RBFOX1: variants seen among roughly 807,000 people sequenced by gnomAD.
RBFOX1 encodes RNA binding fox-1 homolog 1.
Under a neutral mutation model 57.7 loss-of-function variants are expected in RBFOX1, and 8 were observed. That is an observed-to-expected ratio of 0.14 (90% confidence interval 0.08 to 0.25). The LOEUF is 0.25. Ranked by LOEUF, RBFOX1 falls within the 10% of genes least tolerant of loss-of-function variation. The probability of loss-of-function intolerance (pLI) is 1.00; values close to 1 mark genes in which losing one functional copy is unlikely to be tolerated. For synonymous variants in RBFOX1, 326 were observed against 222.4 expected (o/e 1.47, Z -4.15); for missense variants, 611 against 548.5 (o/e 1.11, Z -1.14).
rs559693028 is a variant in RBFOX1, at chr16:5,939,085, C to T, written c.351+71750C>T. Among the ~76,000 whole-genome samples the T allele has an allele frequency of 1.8e-4, 27 of 149,790 alleles. No individual in the cohort carries two copies. The Middle Eastern group carries it at 0.01, about 57-fold the overall frequency. Reference sequence around the variant, plus strand: ...GGGCAGGGAACATCACACACCACTGCGTGTCGTGGGGTTGGGGGAGGCGGG... The same window carrying T: ...GGGCAGGGAACATCACACACCACTGTGTGTCGTGGGGTTGGGGGAGGCGGG... On this transcript the variant is annotated intron_variant, in intron 4 of 19. Coordinates refer to the RBFOX1 transcript ENST00000641259.
intron 12 of RBFOX1, among the ~76,000 whole-genome samples, chr16:7,660,628 T>C (rs563705264): frequency 6.6e-6 from 1 of 152,344 alleles, no homozygotes; most frequent in African/African-American, 2.4e-5. Flanking sequence ...AAATGTAAAG[T>C]AAAATAACAC....
chr16:7,339,710 G>C (rs982838373), intron 4 of RBFOX1, among the ~76,000 whole-genome samples: 2 of 152,208 alleles, frequency 1.3e-5, no homozygotes, highest in African/African-American at 4.8e-5. Context: ...AAAATGCTGG[G>C]ATTACAGGTG....
At chr16:6,094,407 T>TA in intron 1 of RBFOX1, among the ~76,000 whole-genome samples, 2 of 152,304 alleles carry the variant, frequency 1.3e-5, no homozygotes, top group Middle Eastern at 3.4e-3. Context: ...AGTTTCTATG[T>TA]AAAACCTAAA....
chr16:6,780,392 A>T lies in RBFOX1; in HGVS notation c.-16+125742A>T, dbSNP rs1263679308. ...TTATAGATATATTTATACATATTATATATATTTTTATATATATTTATATAT... is the reference window on the plus strand; with the variant it reads ...TTATAGATATATTTATACATATTATTTATATTTTTATATATATTTATATAT... On this transcript the variant is annotated intron_variant, in intron 3 of 15. Transcript: ENST00000550418. Among the ~76,000 whole-genome samples the T allele has an allele frequency of 2.3e-5, 2 of 86,708 alleles. 1 individual carries two copies. The highest frequency in any genetic ancestry group is 8.3e-4 in the South Asian group (2 of 2,408). 56.9% of individuals were successfully genotyped at this position (86,708 alleles called of 152,430 possible).
intron 3 of RBFOX1, among the ~76,000 whole-genome samples, chr16:6,861,823 G>GTTTTTTTTTTTTTTTTTTT (rs35138717): frequency 3.0e-4 from 28 of 92,450 alleles, no homozygotes; most frequent in East Asian, 7.2e-4. Flanking sequence ...GCGTCCCTTG[G>GTTTTTTTTTTTTTTTTTTT]TTTTTTTTTT....
At chr16:5,597,617 C>G (rs1435741207) in intron 2 of RBFOX1, among the ~76,000 whole-genome samples, 1 of 152,008 alleles carries the variant, frequency 6.6e-6, no homozygotes, top group Non-Finnish European at 1.5e-5. Context: ...CCAGACTAGT[C>G]TGGAGCTCCT....
chr16:5,934,637 G>A (rs1336297079), intron 4 of RBFOX1, among the ~76,000 whole-genome samples: 1 of 152,186 alleles, frequency 6.6e-6, no homozygotes, highest in African/African-American at 2.4e-5. Context: ...AAATATTTGA[G>A]ATGATGGATA....
At chr16:7,460,663 C>G (rs59269885) in intron 4 of RBFOX1, among the ~76,000 whole-genome samples, 1 of 151,470 alleles carries the variant, frequency 6.6e-6, no homozygotes, top group South Asian at 2.1e-4. Context: ...AACAAACCAC[C>G]ATGACACACG....
chr16:5,760,893 A>G (rs980225450), intron 3 of RBFOX1, among the ~76,000 whole-genome samples: 1 of 152,166 alleles, frequency 6.6e-6, no homozygotes, highest in African/African-American at 2.4e-5. Context: ...TGATGAAAAT[A>G]TTTTGGAACT....
chr16:7,657,590 C>T (rs907674366), intron 12 of RBFOX1, among the ~76,000 whole-genome samples: 3 of 152,244 alleles, frequency 2.0e-5, no homozygotes, highest in Non-Finnish European at 4.4e-5. Context: ...TAGGCGTGGG[C>T]CACTGCGCAC....
chr16:5,477,658 A>T (rs930485458), intron 2 of RBFOX1, among the ~76,000 whole-genome samples: 3 of 152,000 alleles, frequency 2.0e-5, no homozygotes, highest in Admixed American at 2.0e-4. Context: ...CTCATTGCAA[A>T]TCTTCCTATC....
chr16:6,711,254 C>T (rs940460340), intron 3 of RBFOX1, among the ~76,000 whole-genome samples: 3 of 152,164 alleles, frequency 2.0e-5, no homozygotes, highest in African/African-American at 7.2e-5. Context: ...ACTCTGCTTT[C>T]ACTGTTTTGT....
At chr16:7,310,282 T>G (rs1225779049) in intron 4 of RBFOX1, among the ~76,000 whole-genome samples, 3 of 152,142 alleles carry the variant, frequency 2.0e-5, no homozygotes, top group Non-Finnish European at 4.4e-5. Flanking sequence ...GGAAAGAGCT[T>G]GTGTGGTTGG....
At chr16:6,784,296 T>G (rs1265160468) in intron 3 of RBFOX1, among the ~76,000 whole-genome samples, 1 of 152,152 alleles carries the variant, frequency 6.6e-6, no homozygotes, top group African/African-American at 2.4e-5. Context: ...AGGCATCTTT[T>G]GTTCTTTTTT....
chr16:5,862,143 C>G (rs2057234227), intron 3 of RBFOX1, among the ~76,000 whole-genome samples: 1 of 152,186 alleles, frequency 6.6e-6, no homozygotes, highest in African/African-American at 2.4e-5. Flanking sequence ...CAGAGACAGT[C>G]TGGCAAAGAC....
At chr16:6,392,397 A>T (rs1048148664) in intron 2 of RBFOX1, among the ~76,000 whole-genome samples, 8 of 152,214 alleles carry the variant, frequency 5.3e-5, no homozygotes, top group Non-Finnish European at 8.8e-5. Flanking sequence ...ATAATTTACT[A>T]ATAGTAATAC....
intron 1 of RBFOX1, among the ~76,000 whole-genome samples, chr16:5,403,221 A>G (rs533340821): frequency 6.6e-6 from 1 of 151,842 alleles, no homozygotes; most frequent in Non-Finnish European, 1.5e-5. Context: ...GTGGTGGTGC[A>G]TGCTTGTAAT....
At chr16:7,117,012 A>G (rs540317400) in intron 4 of RBFOX1, among the ~76,000 whole-genome samples, 4 of 152,290 alleles carry the variant, frequency 2.6e-5, no homozygotes, top group African/African-American at 9.6e-5. Context: ...GTAGGCCAAG[A>G]AAGAGTTAGG....
intron 2 of RBFOX1, among the ~76,000 whole-genome samples, chr16:5,593,819 G>T (rs9936483): frequency 0.11 from 16,851 of 152,112 alleles, 1,177 homozygotes; most frequent in East Asian, 0.32. Context: ...GCTTTACTGT[G>T]GAGTCGCCCT....
Sources: gnomAD v4.1 joint callset for allele counts (sites outside exome capture counted in the v4.1 genomes callset) on GRCh38, gnomAD v4.1.1 for gene constraint, MANE v1.5 for transcripts, NCBI Gene and HGNC (gene_info 2026-07-23, HGNC 2026-07-21) for gene names.